FAT3: variants seen among roughly 807,000 people sequenced by gnomAD.
FAT3 encodes protocadherin Fat 3.
In FAT3, 95 loss-of-function variants were observed where a neutral mutation model predicts 310.2. That is an observed-to-expected ratio of 0.31 (90% CI 0.26 to 0.36). The LOEUF (loss-of-function observed/expected upper bound fraction) is 0.36. FAT3 is among the 10% of genes least tolerant of loss of function. The probability of loss-of-function intolerance (pLI) is 1.00; values close to 1 mark genes in which losing one functional copy is unlikely to be tolerated. For missense variants in FAT3, 5,408 were observed against 5,715.6 expected (o/e 0.95, Z 1.74); for synonymous variants, 2,314 against 2,192.9 (o/e 1.06, Z -1.54).
chr11:92,416,394 AAAAG>A (rs779081582), intron 2 of FAT3, among the ~76,000 whole-genome samples: 9 of 151,612 alleles, frequency 5.9e-5, no homozygotes, highest in South Asian at 4.2e-4. Flanking sequence ...AAAAAAAAAA[AAAAG>A]AAAGAAAGAA....
At chr11:92,747,915 G>A (rs186921411) in intron 4 of FAT3, among the ~76,000 whole-genome samples, 1 of 152,296 alleles carries the variant, frequency 6.6e-6, no homozygotes, top group East Asian at 1.9e-4. Flanking sequence ...CAAGTCTTTA[G>A]GAAGTTCCAA....
intron 3 of FAT3, among the ~76,000 whole-genome samples, chr11:92,544,198 C>G (rs547466315): frequency 2.7e-4 from 41 of 152,176 alleles, no homozygotes; most frequent in African/African-American, 7.2e-4. Flanking sequence ...GTGATGTTAA[C>G]TGGGAGAAGC....
At chr11:92,636,582 A>G (rs1941774709) in intron 3 of FAT3, among the ~76,000 whole-genome samples, 1 of 152,226 alleles carries the variant, frequency 6.6e-6, no homozygotes, top group African/African-American at 2.4e-5. Flanking sequence ...GTGAGAAACA[A>G]AGATCCAACA....
intron 1 of FAT3, among the ~76,000 whole-genome samples, chr11:92,334,290 C>T (rs1947997481): frequency 6.6e-6 from 1 of 152,038 alleles, no homozygotes; most frequent in South Asian, 2.1e-4. Context: ...GTGGGAGGAC[C>T]CCTTGAGCCT....
chr11:92,861,470 C>G (rs1029719012), intron 21 of FAT3, among the ~76,000 whole-genome samples: 1 of 152,138 alleles, frequency 6.6e-6, no homozygotes, highest in African/African-American at 2.4e-5. Flanking sequence ...AGGTATATTG[C>G]ATTTCATGAA....
At chr11:92,383,749 C>T (rs753118841) in intron 2 of FAT3, among the ~76,000 whole-genome samples, 5 of 152,166 alleles carry the variant, frequency 3.3e-5, no homozygotes, top group Non-Finnish European at 7.3e-5. Context: ...TGTCAAATGC[C>T]TTGCTGACAT....
In FAT3 at chr11:92,883,466, A is replaced by G. The variant is rs2136419859; in HGVS notation, c.12937+73A>G. Reference sequence around the variant, plus strand: ...TGCAGGGGCGCTGTGCGAGGACGCTACGGGAAGGGAGAGAGACCCCGCATG... The same window carrying G: ...TGCAGGGGCGCTGTGCGAGGACGCTGCGGGAAGGGAGAGAGACCCCGCATG... On this transcript the variant is annotated intron_variant, in intron 24 of 27. Coordinates refer to ENST00000525166, the MANE Select transcript of FAT3 (RefSeq NM_001367949.2). This position sits in a 1 kb window ranked among gnomAD's most constrained non-coding sequence, Gnocchi z 4.2. The G allele has an allele frequency of 6.6e-7, 1 of 1,515,772 alleles. No individual in the cohort carries two copies. Among genetic ancestry groups the G allele is most frequent in the Non-Finnish European group, 8.9e-7 (1 of 1,128,088 alleles). The allele number at this position is 1,515,772 out of a possible 1,614,324, so 93.9% of individuals were successfully genotyped here.
chr11:92,442,095 AT>A (rs1951079567), intron 2 of FAT3, among the ~76,000 whole-genome samples: 1 of 46,356 alleles, frequency 2.2e-5, no homozygotes, highest in South Asian at 7.7e-4. Context: ...ATATATATAT[AT>A]ATATATATAT....
intron 3 of FAT3, among the ~76,000 whole-genome samples, chr11:92,625,706 C>T (rs1190308346): frequency 6.6e-6 from 1 of 151,622 alleles, no homozygotes; most frequent in African/African-American, 2.4e-5. Context: ...ATTGTCAGCC[C>T]CCAAATCAGG....
intron 3 of FAT3, among the ~76,000 whole-genome samples, chr11:92,589,227 C>G (rs966199102): frequency 1.3e-5 from 2 of 152,032 alleles, no homozygotes; most frequent in African/African-American, 4.8e-5. Flanking sequence ...AAGTCACATT[C>G]CTTTGGCCTG....
chr11:92,836,076 T>A (rs535922680), intron 15 of FAT3, among the ~76,000 whole-genome samples: 2 of 152,228 alleles, frequency 1.3e-5, no homozygotes, highest in South Asian at 4.2e-4. Context: ...TACATGACTG[T>A]TTCCATACAT....
At chr11:92,563,626 T>C (rs1284868052) in intron 3 of FAT3, among the ~76,000 whole-genome samples, 1 of 152,004 alleles carries the variant, frequency 6.6e-6, no homozygotes, top group East Asian at 1.9e-4. Flanking sequence ...CTTATCCTAC[T>C]TCGAAACCCA....
At chr11:92,469,341 G>A (rs72972471) in intron 2 of FAT3, among the ~76,000 whole-genome samples, 4,849 of 152,234 alleles carry the variant, frequency 0.032, 88 homozygotes, top group African/African-American at 0.035. Context: ...AATTTTGGGG[G>A]CTGATTTATA....
At chr11:92,732,044 C>T (rs1295379292) in intron 4 of FAT3, among the ~76,000 whole-genome samples, 3 of 152,142 alleles carry the variant, frequency 2.0e-5, no homozygotes, top group Non-Finnish European at 2.9e-5. Flanking sequence ...ATTCTAACTT[C>T]TGTTTTACTT....
intron 2 of FAT3, among the ~76,000 whole-genome samples, chr11:92,508,032 G>A (rs571468670): frequency 6.6e-6 from 1 of 152,178 alleles, no homozygotes; most frequent in South Asian, 2.1e-4. Context: ...CCCATCGTAG[G>A]CTTTTATAAA....
intron 19 of FAT3, among the ~76,000 whole-genome samples, chr11:92,847,847 G>A (rs1468031510): frequency 6.6e-6 from 1 of 152,038 alleles, no homozygotes; most frequent in African/African-American, 2.4e-5. Flanking sequence ...GTAAGCGTTA[G>A]GCATTTTTAG....
At chr11:92,307,407 G>C (rs1947169891) in intron 1 of FAT3, among the ~76,000 whole-genome samples, 1 of 152,188 alleles carries the variant, frequency 6.6e-6, no homozygotes, top group Admixed American at 6.5e-5. Flanking sequence ...AATGCAAATG[G>C]AAAGCATTCT....
At chr11:92,256,916 C>A (rs1047733480) in intron 1 of FAT3, among the ~76,000 whole-genome samples, 2 of 152,076 alleles carry the variant, frequency 1.3e-5, no homozygotes, top group African/African-American at 4.8e-5. Flanking sequence ...GGCTGTAAAT[C>A]GTATAATCTC....
intron 22 of FAT3, among the ~76,000 whole-genome samples, chr11:92,878,884 C>A (rs1181559456): frequency 1.3e-5 from 2 of 151,548 alleles, no homozygotes; most frequent in Non-Finnish European, 2.9e-5. Context: ...AAATAAATTA[C>A]CAAAGAAATA....
Sources: allele counts gnomAD v4.1 joint callset (sites outside exome capture counted in the v4.1 genomes callset), GRCh38; gene constraint gnomAD v4.1.1; non-coding constraint Gnocchi (gnomAD v3.1); transcripts MANE v1.5; gene names NCBI Gene and HGNC (gene_info 2026-07-23, HGNC 2026-07-21).